Variants in SEMA5A observed in about 807,000 individuals in gnomAD.
SEMA5A encodes semaphorin-5A.
In SEMA5A, 55 loss-of-function variants were observed where a neutral mutation model predicts 135.5. The ratio of observed to expected loss-of-function variants is 0.41; its 90% CI spans 0.33 to 0.51. SEMA5A has a LOEUF of 0.51. Ranked by LOEUF, SEMA5A falls within the 20% of genes least tolerant of loss-of-function variation. The pLI, the probability that SEMA5A is intolerant of heterozygous loss-of-function variation, is 0.37. For missense variants in SEMA5A, 1,290 were observed against 1,419.9 expected (o/e 0.91, Z 1.47); for synonymous variants, 580 against 546.5 (o/e 1.06, Z -0.85).
At chr5:9,220,745 A>T (rs1009184081) in intron 8 of SEMA5A, among the ~76,000 whole-genome samples, 1 of 152,188 alleles carries the variant, frequency 6.6e-6, no homozygotes, top group Non-Finnish European at 1.5e-5. Context: ...GTACAGCATA[A>T]ACTTTCTGTA....
In SEMA5A at chr5:9,337,702, A is replaced by G. The variant is rs569286756; in HGVS notation, c.224+11T>C. 3.8e-5 allele frequency: 60 copies of G among 1,590,236 alleles called. No homozygotes were observed. The highest frequency in any genetic ancestry group is 3.7e-4 in the South Asian group (33 of 89,088). On this transcript the variant is annotated intron_variant, in intron 4 of 22. Transcript: ENST00000382496. ...AAAATATCTGTGGTGGCAAAATACA[A>G]TATCTCTCACCTTGCTCCTACAACA...
rs773714784 is a variant in SEMA5A, at chr5:9,050,474, C to T, written c.2846-17G>A. The T allele has an allele frequency of 9.3e-6, 15 of 1,610,616 alleles. No individual in the cohort carries two copies. Among genetic ancestry groups the T allele is most frequent in the Admixed American group, 3.4e-5 (2 of 59,638 alleles). On this transcript the variant is annotated splice_polypyrimidine_tract_variant and intron_variant, in intron 20 of 22. Coordinates refer to ENST00000382496, the MANE Select transcript of SEMA5A (RefSeq NM_003966.3). ...CAGATACTTCTGGAAAAAGAAAAGT[C>T]GAATCACAATGTGTAAAAGGTGTTC...
intron 3 of SEMA5A, among the ~76,000 whole-genome samples, chr5:9,354,565 T>C: frequency 6.6e-6 from 1 of 152,184 alleles, no homozygotes; most frequent in East Asian, 1.9e-4. Flanking sequence ...TGTTTGTTCA[T>C]TCAAGCCTTC....
intron 1 of SEMA5A, among the ~76,000 whole-genome samples, chr5:9,490,514 A>G (rs1734949425): frequency 6.6e-6 from 1 of 152,188 alleles, no homozygotes; most frequent in Admixed American, 6.5e-5. Flanking sequence ...ATTTCATGAG[A>G]TATCAAAATC....
At chr5:9,122,967 G>C in intron 13 of SEMA5A, 130 bp from the exon 14 acceptor site, 1 of 857,744 alleles carries the variant, frequency 1.2e-6, no homozygotes. Context: ...GCTGCAGTTA[G>C]AAAAAGGGCC....
At chr5:9,101,017 T>C (rs757033411) in intron 16 of SEMA5A, among the ~76,000 whole-genome samples, 4 of 152,222 alleles carry the variant, frequency 2.6e-5, no homozygotes, top group Non-Finnish European at 5.9e-5. Context: ...ATCTGGGGCT[T>C]TCCCAAGGTT....
Position 9,035,569 on chromosome 5 carries a change from A to G in SEMA5A, c.*7328T>C, listed in dbSNP as rs1241533434. 2 of 152,192 alleles carry G rather than the reference A, an allele frequency of 1.3e-5. No homozygotes were observed. Among genetic ancestry groups the G allele is most frequent in the Admixed American group, 6.5e-5 (1 of 15,276 alleles). The allele number at this position is 152,192 out of a possible 1,614,324, so 9.4% of individuals were successfully genotyped here. ...ATCTGTCAGATGTCATTAAGCAACA[A>G]TCTGGGATACAGACCTAGACAGCTC... is the stretch of plus-strand genomic sequence containing the variant. On this transcript the variant is annotated 3_prime_UTR_variant, in exon 23 of 23. Transcript: ENST00000382496.
intron 5 of SEMA5A, among the ~76,000 whole-genome samples, chr5:9,309,445 G>C (rs1752022122): frequency 6.6e-6 from 1 of 152,148 alleles, no homozygotes. Context: ...ATTTCTTGAA[G>C]TTATGTGACT....
chr5:9,066,773 C>G (rs1737497014), intron 16 of SEMA5A, 127 bp from the exon 17 acceptor site: 5 of 714,804 alleles, frequency 7.0e-6, no homozygotes, highest in Non-Finnish European at 2.3e-6. Flanking sequence ...CACAGCTACT[C>G]TACCAAACTA....
chr5:9,059,947 G>T (rs903386204), intron 18 of SEMA5A, among the ~76,000 whole-genome samples: 1 of 152,236 alleles, frequency 6.6e-6, no homozygotes, highest in Non-Finnish European at 1.5e-5. Context: ...CAGGGTTAAA[G>T]AAGAGTAAAT....
intron 5 of SEMA5A, among the ~76,000 whole-genome samples, chr5:9,276,375 C>T (rs1415457701): frequency 6.6e-6 from 1 of 152,136 alleles, no homozygotes; most frequent in Non-Finnish European, 1.5e-5. Context: ...GTGAAAATGG[C>T]CATACTGCCC....
At chr5:9,166,749 T>C (rs771778963) in intron 11 of SEMA5A, among the ~76,000 whole-genome samples, 1 of 152,214 alleles carries the variant, frequency 6.6e-6, no homozygotes, top group African/African-American at 2.4e-5. Context: ...ATATTACTTT[T>C]AAAACAAGAG....
intron 2 of SEMA5A, 41 bp from the exon 3 acceptor site, chr5:9,380,064 C>T (rs573309529): frequency 1.2e-4 from 161 of 1,350,132 alleles, no homozygotes; most frequent in Middle Eastern, 2.6e-4. Context: ...ACTGTGAGTT[C>T]GTTTTCTGGT....
chr5:9,196,330 AC>A (rs1447423241), intron 10 of SEMA5A, among the ~76,000 whole-genome samples: 1 of 152,152 alleles, frequency 6.6e-6, no homozygotes, highest in Non-Finnish European at 1.5e-5. Context: ...CCCTTACAAA[AC>A]AGGAAGAGAT....
At position 9,309,582 on chromosome 5, in the gene SEMA5A, G is replaced by A. The variant is rs550683068; in HGVS notation, c.270+8790C>T. ...CTCTGGAGGCATGGATTGAAGACGG[G>A]ATACCATAAGAGAACACTGTGGGAT... On this transcript the variant is annotated intron_variant, in intron 5 of 22. Coordinates refer to ENST00000382496, the MANE Select transcript of SEMA5A (RefSeq NM_003966.3). 2.6e-5 allele frequency among the ~76,000 whole-genome samples: 4 copies of A among 152,210 alleles called. No individual in the cohort carries two copies. In the South Asian group the frequency reaches 6.2e-4, roughly 24 times the overall value.
At chr5:9,404,421 TAAC>T (rs201075397) in intron 2 of SEMA5A, among the ~76,000 whole-genome samples, 3,102 of 152,228 alleles carry the variant, frequency 0.02, 43 homozygotes, top group Non-Finnish European at 0.03. Flanking sequence ...TGGTTTCAAA[TAAC>T]AACCTCCACT....
At chr5:9,131,857 T>C (rs1741453843) in intron 13 of SEMA5A, among the ~76,000 whole-genome samples, 1 of 152,058 alleles carries the variant, frequency 6.6e-6, no homozygotes, top group Non-Finnish European at 1.5e-5. Context: ...GAATAGGGAC[T>C]CATTACATCA....
intron 1 of SEMA5A, among the ~76,000 whole-genome samples, chr5:9,491,492 T>C (rs1051873423): frequency 1.3e-5 from 2 of 151,984 alleles, no homozygotes; most frequent in African/African-American, 2.4e-5. Flanking sequence ...TATATTTATA[T>C]ACTTAGATTG....
chr5:9,258,370 C>T (rs1044229833), intron 5 of SEMA5A, among the ~76,000 whole-genome samples: 1 of 152,122 alleles, frequency 6.6e-6, no homozygotes, highest in African/African-American at 2.4e-5. Flanking sequence ...ATTTAGGTTA[C>T]CTATTGAAGA....
Sources: allele counts gnomAD v4.1 joint callset (sites outside exome capture counted in the v4.1 genomes callset), GRCh38; gene constraint gnomAD v4.1.1; transcripts MANE v1.5; gene names NCBI Gene and HGNC (gene_info 2026-07-23, HGNC 2026-07-21).